The following CWF19L2 variants were observed in gnomAD, a reference collection of about 807,000 sequenced individuals.
CWF19L2 encodes CWF19-like protein 2.
In CWF19L2, 98 loss-of-function variants were observed where a neutral mutation model predicts 111.7. The observed-to-expected ratio is 0.88, with a 90% confidence interval of 0.75 to 1.04. The LOEUF (loss-of-function observed/expected upper bound fraction) is 1.04, where lower values mean the gene tolerates loss of function less well. CWF19L2 is among the 50% of genes least tolerant of loss of function. The probability of loss-of-function intolerance (pLI) is 0.00; values close to 1 mark genes in which losing one functional copy is unlikely to be tolerated. For missense variants in CWF19L2, 1,101 were observed against 1,051.4 expected (o/e 1.05, Z -0.65); for synonymous variants, 351 against 342.9 (o/e 1.02, Z -0.26).
chr11:107,418,291 T>A lies in CWF19L2; in HGVS notation c.1434-4A>T. The A allele has an allele frequency of 6.3e-7, 1 of 1,594,194 alleles. No individual in the cohort carries two copies. ...AATGGACTCACGCTCTGGACTGCTA[T>A]TGGAATAGGAAAGATTAACAGCATA... On this transcript the variant is annotated splice_region_variant and splice_polypyrimidine_tract_variant and intron_variant, in intron 8 of 17. Transcript: ENST00000282251.
chr11:107,329,854 C>T, intron 17 of CWF19L2, 64 bp downstream of exon 17: 1 of 1,302,214 alleles, frequency 7.7e-7, no homozygotes, highest in Non-Finnish European at 1.0e-6. Context: ...GTTTTTATTT[C>T]CTTTCAAAAG....
Position 107,455,727 on chromosome 11 carries a change from A to T in CWF19L2, c.155T>A (p.Leu52His). ...KEERRKELKR[L>H]RGEDTWMLPD... is the part of the protein sequence containing the mutation. ...TAGCATCCATGTATCCTCACCCCGA[A>T]GTCGCTTAAGTTCTTTACGCCTTTC... The change falls in exon 2 of 18, where the codon CTT becomes CAT. Residue 52 changes from leucine to histidine, a missense_variant. Physicochemically the swap from Leu to His is moderately conservative, Grantham distance 99. Coordinates refer to ENST00000282251, the MANE Select transcript of CWF19L2 (RefSeq NM_152434.3). The T allele has an allele frequency of 6.4e-7, 1 of 1,551,404 alleles. No homozygotes were observed. Among genetic ancestry groups the T allele is most frequent in the Non-Finnish European group, 8.7e-7 (1 of 1,146,818 alleles).
chr11:107,335,731 A>C (rs1415252801), intron 15 of CWF19L2, among the ~76,000 whole-genome samples: 2 of 152,216 alleles, frequency 1.3e-5, no homozygotes, highest in Non-Finnish European at 1.5e-5. Flanking sequence ...AGCCAGAGTG[A>C]TAAATATAAA....
At chr11:107,420,334 T>C (rs1161434876) in intron 8 of CWF19L2, among the ~76,000 whole-genome samples, 1 of 152,102 alleles carries the variant, frequency 6.6e-6, no homozygotes, top group Admixed American at 6.6e-5. Flanking sequence ...AGATATACCA[T>C]GTTAATGCTA....
intron 12 of CWF19L2, among the ~76,000 whole-genome samples, chr11:107,358,343 TAA>T (rs58922291): frequency 0.02 from 2,600 of 131,428 alleles, 53 homozygotes; most frequent in African/African-American, 0.063. Context: ...ACTGATGAGC[TAA>T]AAAAAAAAAA....
intron 16 of CWF19L2, among the ~76,000 whole-genome samples, chr11:107,334,105 A>G (rs1487163730): frequency 1.3e-5 from 2 of 152,054 alleles, no homozygotes; most frequent in Non-Finnish European, 2.9e-5. Flanking sequence ...AATCTCCATC[A>G]AGTCTGGAAT....
At chr11:107,333,245 C>T (rs372222549) in intron 16 of CWF19L2, among the ~76,000 whole-genome samples, 4 of 152,072 alleles carry the variant, frequency 2.6e-5, no homozygotes, top group African/African-American at 9.7e-5. Context: ...TATACAACTG[C>T]CATTTTTACA....
At chr11:107,361,725 T>G (rs1860341297) in intron 12 of CWF19L2, among the ~76,000 whole-genome samples, 1 of 152,194 alleles carries the variant, frequency 6.6e-6, no homozygotes, top group African/African-American at 2.4e-5. Context: ...GTATTATTTT[T>G]TATAGCTATT....
In CWF19L2 at chr11:107,370,030, A is replaced by C. The variant is rs555212817; in HGVS notation, c.1873-16294T>G. 6.0e-4 allele frequency among the ~76,000 whole-genome samples: 82 copies of C among 137,736 alleles called. 19 individuals carry two copies. The highest frequency in any genetic ancestry group is 2.3e-3 in the African/African-American group (79 of 34,630). 90.4% of individuals were successfully genotyped at this position (137,736 alleles called of 152,430 possible). On this transcript the variant is annotated intron_variant, in intron 12 of 17. Coordinates refer to ENST00000282251, the MANE Select transcript of CWF19L2 (RefSeq NM_152434.3). ...ATATATCCACATTTCCATTATTGAC[A>C]TAACTACCAAATAAGCATCCAACAA... is the stretch of plus-strand genomic sequence containing the variant.
intron 2 of CWF19L2, 69 bp downstream of exon 2, chr11:107,455,597 C>A: frequency 1.2e-6 from 1 of 817,312 alleles, no homozygotes; most frequent in Non-Finnish European, 1.9e-6. Context: ...ATTATTCATC[C>A]AATATTAACT....
intron 14 of CWF19L2, among the ~76,000 whole-genome samples, chr11:107,339,854 G>C (rs1294328062): frequency 2.6e-5 from 4 of 151,820 alleles, no homozygotes; most frequent in Non-Finnish European, 5.9e-5. Context: ...TTTTAGTAGA[G>C]TCAAGGTTTC....
intron 10 of CWF19L2, among the ~76,000 whole-genome samples, chr11:107,400,122 T>G (rs1429410490): frequency 6.6e-6 from 1 of 151,400 alleles, no homozygotes; most frequent in Non-Finnish European, 1.5e-5. Flanking sequence ...AGTCTGAAAG[T>G]GCACAAACTG....
At chr11:107,363,279 T>A (rs1325706962) in intron 12 of CWF19L2, among the ~76,000 whole-genome samples, 8 of 152,086 alleles carry the variant, frequency 5.3e-5, no homozygotes, top group Admixed American at 2.6e-4. Flanking sequence ...ACTTCCCCAA[T>A]CTAGCAAGGC....
chr11:107,454,628 G>T, intron 2 of CWF19L2, 56 bp from the exon 3 acceptor site: 2 of 1,183,794 alleles, frequency 1.7e-6, no homozygotes, highest in Admixed American at 4.1e-5. Flanking sequence ...AATTTAAAAG[G>T]ATGTATTCTG....
In CWF19L2 at chr11:107,429,237, A is replaced by C. The variant is rs1343091891; in HGVS notation, c.995T>G (p.Phe332Cys). 2 of 1,612,058 alleles carry C rather than the reference A, an allele frequency of 1.2e-6. No homozygotes were observed. The highest frequency in any genetic ancestry group is 4.5e-5 in the East Asian group (2 of 44,854). ...DTAKNSNNEK[F>C]IGDEKDKRPG... is the part of the protein sequence containing the mutation. Reference sequence around the variant, plus strand: ...TCTCTTATCTTTTTCATCACCAATAAATTTTTCATTATTGCTATTTTTTGC... The same window carrying C: ...TCTCTTATCTTTTTCATCACCAATACATTTTTCATTATTGCTATTTTTTGC... Residue 332 changes from phenylalanine (F) to cysteine (C), a missense_variant, in exon 8 of 18, where the codon TTT (phenylalanine) becomes TGT (cysteine). By Grantham distance (205) the Phe-to-Cys change is radical. Transcript: ENST00000282251.
chr11:107,360,975 T>C (rs1591162323), intron 12 of CWF19L2, among the ~76,000 whole-genome samples: 1 of 152,362 alleles, frequency 6.6e-6, no homozygotes, highest in Middle Eastern at 3.4e-3. Context: ...GTCATTTGTC[T>C]TTGTTTTTAT....
At chr11:107,437,451 C>T (rs748717613) in intron 6 of CWF19L2, among the ~76,000 whole-genome samples, 5 of 152,102 alleles carry the variant, frequency 3.3e-5, no homozygotes, top group Non-Finnish European at 7.4e-5. Flanking sequence ...ACAGTTCCAC[C>T]CCTACCATCG....
chr11:107,371,426 G>C (rs1035664612), intron 12 of CWF19L2, among the ~76,000 whole-genome samples: 4 of 137,584 alleles, frequency 2.9e-5, no homozygotes, highest in Admixed American at 2.8e-4. Context: ...CAGGACTCAA[G>C]ACTATTCTCC....
At chr11:107,414,222 C>G (rs998211131) in intron 10 of CWF19L2, among the ~76,000 whole-genome samples, 10 of 151,932 alleles carry the variant, frequency 6.6e-5, no homozygotes, top group Non-Finnish European at 1.3e-4. Flanking sequence ...GAGACAGGGT[C>G]TCACTCTGTC....
Sources: gnomAD v4.1 joint callset for allele counts (sites outside exome capture counted in the v4.1 genomes callset) on GRCh38, gnomAD v4.1.1 for gene constraint, MANE v1.5 for transcripts, NCBI Gene and HGNC (gene_info 2026-07-23, HGNC 2026-07-21) for gene names.